The following ZNF19 variants were observed in gnomAD, a reference collection of about 807,000 sequenced individuals.
The protein encoded by ZNF19 is zinc finger protein 19.
In ZNF19, 11 loss-of-function variants were observed where a neutral mutation model predicts 13.1. The observed-to-expected ratio is 0.84, with a 90% CI of 0.53 to 1.39. ZNF19 has a LOEUF of 1.39. Ranked by LOEUF, ZNF19 falls within the 40% of genes most tolerant of loss-of-function variation. ZNF19 has a pLI of 0.00. For synonymous variants in ZNF19, 186 were observed against 187.0 expected, an observed-to-expected ratio of 0.99 and a Z score of 0.04; for missense variants, 560 against 547.0, an observed-to-expected ratio of 1.02 and a Z score of -0.24.
At chr16:71,484,166 G>C (rs2043657368) in intron 2 of ZNF19, among the ~76,000 whole-genome samples, 1 of 152,222 alleles carries the variant, frequency 6.6e-6, no homozygotes, top group Admixed American at 6.5e-5. Flanking sequence ...GAAATAACCA[G>C]ATTTGATTAA....
chr16:71,482,672 G>A (rs1040545333), intron 2 of ZNF19, among the ~76,000 whole-genome samples: 1 of 152,024 alleles, frequency 6.6e-6, no homozygotes, highest in African/African-American at 2.4e-5. Flanking sequence ...TCCCACACTA[G>A]ATCTGCCAGG....
At chr16:71,488,247 C>G (rs924878384) in intron 1 of ZNF19, among the ~76,000 whole-genome samples, 1 of 151,642 alleles carries the variant, frequency 6.6e-6, no homozygotes, top group Non-Finnish European at 1.5e-5. Flanking sequence ...GTAATCCCAG[C>G]TACTCAGGAG....
chr16:71,479,760 T>C (rs1362245897), intron 3 of ZNF19, among the ~76,000 whole-genome samples: 1 of 152,158 alleles, frequency 6.6e-6, no homozygotes, highest in Non-Finnish European at 1.5e-5. Context: ...TCTTGGGTTT[T>C]TTTTTCTTTC....
At chr16:71,477,286 A>G (rs1184532955) in intron 5 of ZNF19, among the ~76,000 whole-genome samples, 2 of 152,228 alleles carry the variant, frequency 1.3e-5, no homozygotes, top group African/African-American at 4.8e-5. Context: ...CTGAAAAAGA[A>G]TAATCACCAG....
At position 71,474,933 on chromosome 16, in the gene ZNF19, G is replaced by A. The variant is rs979058652; in HGVS notation, c.*237C>T. On this transcript the variant is annotated 3_prime_UTR_variant, in exon 6 of 6. Transcript: ENST00000288177. ...GGACTTCATTCTCACCTCTGTAAGA[G>A]TCTAGTTCTTCTTCTCAGCATTAAA... 1.9e-5 allele frequency: 10 copies of A among 527,526 alleles called. No homozygotes were observed. Among genetic ancestry groups the A allele is most frequent in the Admixed American group, 3.6e-5 (1 of 27,680 alleles). The allele number at this position is 527,526 out of a possible 1,614,324, so 32.7% of individuals were successfully genotyped here.
chr16:71,489,033 C>A (rs778395522), intron 1 of ZNF19: 2 of 162,600 alleles, frequency 1.2e-5, no homozygotes, highest in Non-Finnish European at 2.6e-5. Context: ...TCTGCAGACA[C>A]TTCTGTCATC....
Position 71,475,992 on chromosome 16 carries a change from C to T in ZNF19, c.555G>A (p.Gly185=), listed in dbSNP as rs759697187. ...ACTCACTACACTCAAAAGGTTTCTC[C>T]CCAGTGTGGATTCTCTGGTGTCTAG... ...YYARHQRIHT[G]EKPFECSECG... Residue 185 remains glycine, a synonymous_variant, in exon 6 of 6, where the codon GGG becomes GGA. Coordinates refer to ENST00000288177, the MANE Select transcript of ZNF19 (RefSeq NM_006961.4). 1 of 1,614,162 alleles carries T rather than the reference C, an allele frequency of 6.2e-7. No homozygotes were observed. Among genetic ancestry groups the T allele is most frequent in the South Asian group, 1.1e-5 (1 of 91,074 alleles).
intron 1 of ZNF19, among the ~76,000 whole-genome samples, chr16:71,485,323 A>G (rs1597016635): frequency 6.6e-6 from 1 of 151,896 alleles, no homozygotes; most frequent in Admixed American, 6.6e-5. Flanking sequence ...AATGGCGGGC[A>G]CCTGTAATCC....
rs1597012517 is a variant in ZNF19, at chr16:71,475,598, T to A, written c.949A>T (p.Ser317Cys). The A allele has an allele frequency of 1.2e-6, 2 of 1,614,014 alleles. No homozygotes were observed. Among genetic ancestry groups the A allele is most frequent in the Middle Eastern group, 3.3e-4 (2 of 6,062 alleles). ...GKSFGRTSHL[S>C]QHQRIHTGEK... The stretch of plus-strand genomic sequence containing the variant: ...CCTGTGTGAATACGCTGATGTTGGC[T>A]TAGATGGGAAGTCCTTCCAAAGCTT... The change falls in exon 6 of 6, where the codon AGC (serine) becomes TGC (cysteine). Residue 317 changes from serine (S) to cysteine (C), a missense_variant. Coordinates refer to ENST00000288177, the MANE Select transcript of ZNF19 (RefSeq NM_006961.4).
intron 3 of ZNF19, among the ~76,000 whole-genome samples, chr16:71,479,347 G>A (rs951305189): frequency 2.0e-5 from 3 of 152,082 alleles, no homozygotes; most frequent in Admixed American, 6.6e-5. Flanking sequence ...TTTTACTTTT[G>A]TACCTACAGG....
intron 3 of ZNF19, among the ~76,000 whole-genome samples, chr16:71,479,436 T>G (rs1243230831): frequency 6.6e-6 from 1 of 152,152 alleles, no homozygotes; most frequent in Non-Finnish European, 1.5e-5. Context: ...AATCTATCTG[T>G]TCCCCACATG....
At chr16:71,480,605 G>T (rs1194654407) in intron 3 of ZNF19, among the ~76,000 whole-genome samples, 1 of 152,166 alleles carries the variant, frequency 6.6e-6, no homozygotes, top group African/African-American at 2.4e-5. Flanking sequence ...CAGTAAACTA[G>T]GTCAACAGCT....
intron 1 of ZNF19, among the ~76,000 whole-genome samples, chr16:71,488,685 G>A (rs1385954835): frequency 6.6e-6 from 1 of 152,196 alleles, no homozygotes; most frequent in Admixed American, 6.5e-5. Flanking sequence ...TGTAATCCCA[G>A]CTACTCGGGA....
intron 1 of ZNF19, chr16:71,489,053 T>G (rs2043701851): frequency 5.6e-6 from 1 of 178,194 alleles, no homozygotes; most frequent in Non-Finnish European, 1.1e-5. Flanking sequence ...CCTCCCATCC[T>G]TGGGGGGCTC....
At chr16:71,483,597 T>G (rs1048872968) in intron 2 of ZNF19, among the ~76,000 whole-genome samples, 1 of 152,210 alleles carries the variant, frequency 6.6e-6, no homozygotes, top group African/African-American at 2.4e-5. Context: ...CTATCCACCC[T>G]TCACCTTCAG....
In ZNF19 at chr16:71,476,032, T is replaced by C. The variant is rs2145166121; in HGVS notation, c.515A>G (p.Tyr172Cys). ...ICEECGKSFS[Y>C]FSYYARHQRI... ...CTGGTGTCTAGCATAGTAAGAAAAG[T>C]AGCTGAAGGATTTCCCACACTCCTC... Residue 172 changes from tyrosine to cysteine, a missense_variant, in exon 6 of 6, where the codon TAC (tyrosine) becomes TGC (cysteine). By Grantham distance (194) the Tyr-to-Cys change is radical. Transcript: ENST00000288177. The C allele has an allele frequency of 3.1e-6, 5 of 1,614,222 alleles. No individual in the cohort carries two copies. Among genetic ancestry groups the C allele is most frequent in the Non-Finnish European group, 4.2e-6 (5 of 1,180,030 alleles).
intron 4 of ZNF19, 106 bp from the exon 5 acceptor site, chr16:71,478,447 TC>T (rs773363720): frequency 1.2e-6 from 1 of 824,068 alleles, no homozygotes. Context: ...AAGAGGGTTC[TC>T]GACTGGAGAA....
At chr16:71,477,164 A>T (rs1323113288) in intron 5 of ZNF19, among the ~76,000 whole-genome samples, 1 of 152,202 alleles carries the variant, frequency 6.6e-6, no homozygotes, top group African/African-American at 2.4e-5. Flanking sequence ...GACTCATGTG[A>T]TGGTTAATCA....
intron 2 of ZNF19, among the ~76,000 whole-genome samples, chr16:71,484,192 T>C (rs1241300806): frequency 3.4e-4 from 52 of 152,164 alleles, no homozygotes; most frequent in Admixed American, 3.4e-3. Flanking sequence ...GACTTTCCCA[T>C]TGGGCGGAAA....
Sources: gnomAD v4.1 joint callset for allele counts (sites outside exome capture counted in the v4.1 genomes callset) on GRCh38, gnomAD v4.1.1 for gene constraint, MANE v1.5 for transcripts, NCBI Gene and HGNC (gene_info 2026-07-23, HGNC 2026-07-21) for gene names.